Variants in ERC2 observed in about 807,000 individuals in gnomAD.
ERC2 encodes the protein ELKS/RAB6-interacting/CAST family member 2.
ERC2 carries 42 observed loss-of-function variants against 114.8 expected under a neutral mutation model. The observed-to-expected ratio is 0.37, with a 90% CI of 0.29 to 0.47. The LOEUF is 0.47. Among genes scored for constraint, ERC2 ranks in the 20% least tolerant of loss-of-function variants. The pLI, the probability that ERC2 is intolerant of heterozygous loss-of-function variation, is 0.99. For synonymous variants in ERC2, 454 were observed against 425.5 expected, an observed-to-expected ratio of 1.07 and a Z score of -0.82; for missense variants, 939 against 1,150.7, an observed-to-expected ratio of 0.82 and a Z score of 2.66.
At chr3:55,952,429 T>C (rs2067647212) in intron 12 of ERC2, among the ~76,000 whole-genome samples, 1 of 151,966 alleles carries the variant, frequency 6.6e-6, no homozygotes, top group African/African-American at 2.4e-5. Flanking sequence ...TGCATGCTAA[T>C]CCACTTTGAG....
chr3:55,989,274 T>C (rs1417037208), intron 11 of ERC2, among the ~76,000 whole-genome samples: 11 of 152,240 alleles, frequency 7.2e-5, no homozygotes. Flanking sequence ...CATTCCATAT[T>C]GAAGAAATAA....
chr3:56,320,088 G>C (rs1209436154), intron 2 of ERC2, among the ~76,000 whole-genome samples: 1 of 152,186 alleles, frequency 6.6e-6, no homozygotes, highest in East Asian at 1.9e-4. Context: ...TGGTTCAGGA[G>C]TTCCTCCAAG....
In ERC2 at chr3:55,699,368, T is replaced by G; in HGVS notation, c.2847+10A>C. ...AAGGGGTCTTGGAGGTAAGCAGCGA[T>G]GAAACTGACCTGGTCCGGAGAGGGC... On this transcript the variant is annotated intron_variant, in intron 16 of 17. Transcript: ENST00000288221. The G allele has an allele frequency of 6.2e-7, 1 of 1,613,710 alleles. No homozygotes were observed. The highest frequency in any genetic ancestry group is 1.7e-4 in the Middle Eastern group (1 of 5,972).
At chr3:56,163,816 C>G (rs1016422942) in intron 4 of ERC2, among the ~76,000 whole-genome samples, 7 of 152,010 alleles carry the variant, frequency 4.6e-5, no homozygotes, top group Non-Finnish European at 1.0e-4. Flanking sequence ...GTCTTTTGAT[C>G]CAACTTTTCA....
chr3:56,312,519 G>A (rs912350492), intron 2 of ERC2, among the ~76,000 whole-genome samples: 1 of 152,116 alleles, frequency 6.6e-6, no homozygotes, highest in Non-Finnish European at 1.5e-5. Flanking sequence ...TCAAGATGAT[G>A]AAGTATTTAC....
chr3:56,036,506 C>A (rs1198123848), intron 7 of ERC2, among the ~76,000 whole-genome samples: 2 of 152,154 alleles, frequency 1.3e-5, no homozygotes, highest in African/African-American at 4.8e-5. Flanking sequence ...CTGGAAGCAG[C>A]TGCCGTCAGC....
At chr3:55,680,720 A>G (rs942453499) in intron 17 of ERC2, among the ~76,000 whole-genome samples, 2 of 152,214 alleles carry the variant, frequency 1.3e-5, no homozygotes, top group African/African-American at 4.8e-5. Context: ...TTGCTGGAAA[A>G]GTGATCCCGT....
intron 17 of ERC2, among the ~76,000 whole-genome samples, chr3:55,562,341 C>A (rs1375701214): frequency 6.6e-6 from 1 of 151,894 alleles, no homozygotes; most frequent in East Asian, 1.9e-4. Flanking sequence ...TTAGTAGAGA[C>A]GGGGTTTCAC....
intron 13 of ERC2, among the ~76,000 whole-genome samples, chr3:55,909,747 G>A (rs2064690899): frequency 6.6e-6 from 1 of 152,068 alleles, no homozygotes; most frequent in Non-Finnish European, 1.5e-5. Flanking sequence ...GAACCCTGAG[G>A]GACAGAGAGG....
intron 2 of ERC2, among the ~76,000 whole-genome samples, chr3:56,297,540 T>C (rs1472549827): frequency 2.6e-5 from 4 of 152,210 alleles, no homozygotes; most frequent in Non-Finnish European, 2.9e-5. Flanking sequence ...TGGCAACACC[T>C]TTCCCCATAG....
chr3:56,324,457 T>C (rs905049200), intron 2 of ERC2, among the ~76,000 whole-genome samples: 4 of 152,220 alleles, frequency 2.6e-5, no homozygotes, highest in African/African-American at 7.2e-5. Flanking sequence ...TAGCTTAGCA[T>C]AGCCTATCTC....
chr3:56,429,345 T>C (rs2061698187), intron 2 of ERC2, among the ~76,000 whole-genome samples: 1 of 152,202 alleles, frequency 6.6e-6, no homozygotes, highest in Non-Finnish European at 1.5e-5. Context: ...CAGTGTAGTA[T>C]GGCAGCAGAA....
At chr3:55,733,690 A>T (rs554283701) in intron 15 of ERC2, among the ~76,000 whole-genome samples, 1 of 152,164 alleles carries the variant, frequency 6.6e-6, no homozygotes, top group Non-Finnish European at 1.5e-5. Flanking sequence ...TAAAAGGGTT[A>T]GTCACATTGT....
At chr3:55,572,575 C>T (rs1575618810) in intron 17 of ERC2, among the ~76,000 whole-genome samples, 1 of 152,200 alleles carries the variant, frequency 6.6e-6, no homozygotes, top group Non-Finnish European at 1.5e-5. Context: ...ACATGGAGCA[C>T]TTTGTATTCT....
At chr3:56,313,392 C>A (rs116592488) in intron 2 of ERC2, among the ~76,000 whole-genome samples, 1 of 151,864 alleles carries the variant, frequency 6.6e-6, no homozygotes, top group Non-Finnish European at 1.5e-5. Context: ...TGATGGGAGG[C>A]GAGAGCATTA....
At chr3:55,588,249 T>G (rs1037015460) in intron 17 of ERC2, among the ~76,000 whole-genome samples, 1 of 152,056 alleles carries the variant, frequency 6.6e-6, no homozygotes, top group Non-Finnish European at 1.5e-5. Context: ...GAAGTAATGA[T>G]GTTCACAGTC....
At chr3:55,864,803 T>C (rs911377561) in intron 14 of ERC2, among the ~76,000 whole-genome samples, 2 of 152,216 alleles carry the variant, frequency 1.3e-5, no homozygotes, top group Non-Finnish European at 1.5e-5. Context: ...GCCATCATCA[T>C]TGGGTCATCA....
At chr3:55,940,489 T>C (rs977791383) in intron 13 of ERC2, among the ~76,000 whole-genome samples, 1 of 152,042 alleles carries the variant, frequency 6.6e-6, no homozygotes, top group Admixed American at 6.6e-5. Context: ...CACAACTTCA[T>C]TGTTACCTCT....
intron 14 of ERC2, among the ~76,000 whole-genome samples, chr3:55,791,765 T>A (rs2070048711): frequency 6.6e-6 from 1 of 152,168 alleles, no homozygotes; most frequent in Non-Finnish European, 1.5e-5. Flanking sequence ...TCTTTTTAAT[T>A]TAAGGACCAG....
Sources: gnomAD v4.1 joint callset for allele counts (sites outside exome capture counted in the v4.1 genomes callset) on GRCh38, gnomAD v4.1.1 for gene constraint, MANE v1.5 for transcripts, NCBI Gene and HGNC (gene_info 2026-07-23, HGNC 2026-07-21) for gene names.